ZNF497: variants seen among roughly 807,000 people sequenced by gnomAD.
ZNF497 encodes zinc finger-like protein.
For missense variants in ZNF497, 930 were observed against 714.0 expected (o/e 1.30, Z -3.45); for synonymous variants, 422 against 313.7 (o/e 1.35, Z -3.65).
At chr19:58,357,796 A>G (rs2052045889) in intron 2 of ZNF497, 147 bp from the exon 3 acceptor site, 1 of 1,199,276 alleles carries the variant, frequency 8.3e-7, no homozygotes, top group Admixed American at 3.2e-5. Context: ...TGGAGCCTGG[A>G]GCAGGAAGGC....
Position 58,357,234 on chromosome 19 carries a change from G to T in ZNF497, c.402C>A (p.Tyr134Ter), listed in dbSNP as rs556384169. Residue 134 changes from tyrosine (Y) to a stop codon, truncating the protein, a stop_gained, in exon 3 of 3, where the codon TAC (tyrosine) becomes TAA (stop). Transcript: ENST00000311044. LOFTEE classifies it low-confidence loss of function (END_TRUNC). ...HRRVHTGEKP[Y>*]TCPECGKAFA... ...AGGCCTTGCCGCACTCGGGGCACGT[G>T]TACGGCTTCTCGCCTGTGTGCACGC... 6.2e-7 allele frequency: 1 copy of T among 1,613,082 alleles called. No homozygotes were observed. The highest frequency in any genetic ancestry group is 1.7e-5 in the Admixed American group (1 of 59,986).
intron 1 of ZNF497, among the ~76,000 whole-genome samples, chr19:58,361,795 A>G (rs752011055): frequency 6.6e-6 from 1 of 152,204 alleles, no homozygotes; most frequent in East Asian, 1.9e-4. Flanking sequence ...GATTTCAATA[A>G]AAATCCATAT....
At chr19:58,357,824 A>T in intron 2 of ZNF497, 175 bp from the exon 3 acceptor site, 1 of 1,211,682 alleles carries the variant, frequency 8.3e-7, no homozygotes. Context: ...CGGGCTAGAC[A>T]CTCGGGGGAT....
In ZNF497 at chr19:58,355,108, TTGCAAAACC is replaced by T. The variant is rs1467679114; in HGVS notation, c.*1022_*1030del. The T allele has an allele frequency of 1.3e-5, 2 of 152,288 alleles. No individual in the cohort carries two copies. Among genetic ancestry groups the T allele is most frequent in the Non-Finnish European group, 2.9e-5 (2 of 68,062 alleles). 9.4% of individuals were successfully genotyped at this position (152,288 alleles called of 1,614,324 possible). A position where few individuals can be genotyped will look rare whatever the true frequency, so the allele number is the denominator to read the frequency against. On this transcript the variant is annotated 3_prime_UTR_variant, in exon 3 of 3. Coordinates refer to ENST00000311044, the MANE Select transcript of ZNF497 (RefSeq NM_198458.3). ...AACATCCACTTTTGCTCTCTGAGCC[TTGCAAAACC>T]TGCACAATCAGTCCCTAACTTATAT...
intron 1 of ZNF497, among the ~76,000 whole-genome samples, chr19:58,360,427 G>A (rs2052078787): frequency 6.6e-6 from 1 of 151,544 alleles, no homozygotes; most frequent in South Asian, 2.1e-4. Flanking sequence ...AGGGTGCAGT[G>A]GTGCAATCTC....
At position 58,357,042 on chromosome 19, in the gene ZNF497, G is replaced by A; in HGVS notation, c.594C>T (p.Ser198=). Residue 198 remains serine, a synonymous_variant, in exon 3 of 3, where the codon TCC becomes TCT. Transcript: ENST00000311044. The part of the protein sequence containing the change: ...KPFRCPDCGK[S]FGRSTTLVQH... ...GCACCAGCGTGGTGCTTCGGCCGAAGGACTTGCCGCAGTCCGGGCAGCGGA... is the reference window on the plus strand; with the variant it reads ...GCACCAGCGTGGTGCTTCGGCCGAAAGACTTGCCGCAGTCCGGGCAGCGGA... 2.5e-6 allele frequency: 4 copies of A among 1,610,724 alleles called. No homozygotes were observed. Among genetic ancestry groups the A allele is most frequent in the Non-Finnish European group, 3.4e-6 (4 of 1,179,058 alleles).
Position 58,356,512 on chromosome 19 carries a change from C to T in ZNF497, c.1124G>A (p.Ser375Asn). Residue 375 changes from serine to asparagine, a missense_variant, in exon 3 of 3, where the codon AGC becomes AAC. Ser to Asn is a conservative substitution (Grantham distance 46). Coordinates refer to ENST00000311044, the MANE Select transcript of ZNF497 (RefSeq NM_198458.3). ...GGCGCCCGAGTGCGTGCGCCGGTGG[C>T]TCAGTAGGTTGGAGCGCTGGCTGAA... ...KAFSQRSNLL[S>N]HRRTHSGAKP... The T allele has an allele frequency of 2.0e-6, 3 of 1,538,006 alleles. No homozygotes were observed. Among genetic ancestry groups the T allele is most frequent in the Non-Finnish European group, 1.7e-6 (2 of 1,148,404 alleles).
intron 1 of ZNF497, among the ~76,000 whole-genome samples, chr19:58,361,165 C>T (rs1367104731): frequency 6.6e-6 from 1 of 152,080 alleles, no homozygotes; most frequent in Non-Finnish European, 1.5e-5. Context: ...CGCGAGACAC[C>T]TCGCCCAGCC....
chr19:58,358,189 G>A (rs1165844200), intron 2 of ZNF497: 2 of 1,290,152 alleles, frequency 1.6e-6, no homozygotes, highest in South Asian at 2.5e-5. Context: ...CAGGCTGGAG[G>A]ATCTCAGTGG....
Position 58,354,613 on chromosome 19 carries a change from G to C in ZNF497, c.*1526C>G, listed in dbSNP as rs1362818849. Reference sequence around the variant, plus strand: ...GCTGTGAGGGACGGGGAGCTGTGGAGACTCCCTCTGTTTGGTCCCATTTCC... The same window carrying C: ...GCTGTGAGGGACGGGGAGCTGTGGACACTCCCTCTGTTTGGTCCCATTTCC... On this transcript the variant is annotated 3_prime_UTR_variant, in exon 3 of 3. Transcript: ENST00000311044. 6.6e-6 allele frequency: 1 copy of C among 152,378 alleles called. No homozygotes were observed. The highest frequency in any genetic ancestry group is 1.5e-5 in the Non-Finnish European group (1 of 68,160). The allele number at this position is 152,378 out of a possible 1,614,324, so 9.4% of individuals were successfully genotyped here.
At chr19:58,358,767 C>A in intron 1 of ZNF497, 182 bp from the exon 2 acceptor site, 2 of 459,188 alleles carry the variant, frequency 4.4e-6, no homozygotes, top group South Asian at 3.1e-5. Flanking sequence ...GACCACCAAA[C>A]TCCCACCTGT....
In ZNF497 at chr19:58,356,390, A is replaced by T. The variant is rs1262439303; in HGVS notation, c.1246T>A (p.Cys416Ser). The change falls in exon 3 of 3, where the codon TGC becomes AGC. Residue 416 changes from cysteine (C) to serine (S), a missense_variant. Physicochemically the swap from Cys to Ser is moderately radical, Grantham distance 112. Transcript: ENST00000311044. ...CGGAAGGCCTTGCCGCATTCTGCGC[A>T]GGCGAAGGGTCGCTCTCCCGTGTGC... Reference protein sequence around the residue: ...LSHTGERPFACAECGKAFRGS... With the variant: ...LSHTGERPFASAECGKAFRGS... 11 of 1,567,270 alleles carry T rather than the reference A, an allele frequency of 7.0e-6. No homozygotes were observed. The highest frequency in any genetic ancestry group is 8.6e-6 in the Non-Finnish European group (10 of 1,161,104).
At chr19:58,359,803 T>C (rs546765003) in intron 1 of ZNF497, among the ~76,000 whole-genome samples, 4 of 152,066 alleles carry the variant, frequency 2.6e-5, no homozygotes, top group African/African-American at 9.6e-5. Context: ...TGAAACCCCG[T>C]CTCTACTAAA....
At chr19:58,362,442 G>A (rs1366617755) in intron 1 of ZNF497, 1 of 152,258 alleles carries the variant, frequency 6.6e-6, no homozygotes. Flanking sequence ...ATCGCCATAA[G>A]GCTCGCGTTC....
chr19:58,358,641 A>G (rs371852816), intron 1 of ZNF497, 56 bp from the exon 2 acceptor site: 9 of 857,670 alleles, frequency 1.0e-5, no homozygotes, highest in Admixed American at 3.0e-5. Flanking sequence ...CAGATCTGAG[A>G]AAACAAGGGG....
chr19:58,356,845 T>G lies in ZNF497; in HGVS notation c.791A>C (p.His264Pro). ...AFSQSSNLAE[H>P]LKIHAGARPH... ...CCGTGCGCCCGCGTGGATCTTCAGG[T>G]GCTCGGCCAGGTTGGAGCTCTGGCT... is the stretch of plus-strand genomic sequence containing the variant. Residue 264 changes from histidine to proline, a missense_variant, in exon 3 of 3, where the codon CAC becomes CCC. By Grantham distance (77) the His-to-Pro change is moderately conservative. Coordinates refer to ENST00000311044, the MANE Select transcript of ZNF497 (RefSeq NM_198458.3). 6.3e-7 allele frequency: 1 copy of G among 1,579,046 alleles called. No homozygotes were observed. The highest frequency in any genetic ancestry group is 8.6e-7 in the Non-Finnish European group (1 of 1,168,016).
At chr19:58,359,109 G>A in intron 1 of ZNF497, 1 of 1,085,482 alleles carries the variant, frequency 9.2e-7, no homozygotes. Flanking sequence ...TCACGCAGCT[G>A]AGCCAGGGCC....
chr19:58,356,267 G>A lies in ZNF497; in HGVS notation c.1369C>T (p.Leu457Phe). Residue 457 changes from leucine to phenylalanine, a missense_variant, in exon 3 of 3, where the codon CTC becomes TTC. Transcript: ENST00000311044. Reference sequence around the variant, plus strand: ...GTGTGCGTGCGCCGGTGGCTTAAGAGCTCCGACTTGCGCACGAAGGCCTTG... The same window carrying A: ...GTGTGCGTGCGCCGGTGGCTTAAGAACTCCGACTTGCGCACGAAGGCCTTG... ...CSKAFVRKSE[L>F]LSHRRTHTGE... The A allele has an allele frequency of 6.2e-7, 1 of 1,602,002 alleles. No homozygotes were observed. The highest frequency in any genetic ancestry group is 8.5e-7 in the Non-Finnish European group (1 of 1,175,306).
intron 1 of ZNF497, chr19:58,358,978 C>T: frequency 2.1e-6 from 1 of 471,862 alleles, no homozygotes; most frequent in South Asian, 1.5e-5. Context: ...TGCCTAGCCA[C>T]TGCTCCTGCG....
Sources: allele counts gnomAD v4.1 joint callset (sites outside exome capture counted in the v4.1 genomes callset), GRCh38; gene constraint gnomAD v4.1.1; transcripts MANE v1.5; gene names NCBI Gene and HGNC (gene_info 2026-07-23, HGNC 2026-07-21).